OPCML: variants seen among roughly 807,000 people sequenced by gnomAD.
OPCML encodes opioid binding protein/cell adhesion molecule like.
A neutral mutation model predicts 37.8 loss-of-function variants in OPCML; 13 were observed. That is an observed-to-expected ratio of 0.34 (90% CI 0.22 to 0.55). The LOEUF (loss-of-function observed/expected upper bound fraction) is 0.55, where lower values mean the gene tolerates loss of function less well. Ranked by LOEUF, OPCML falls within the 20% of genes least tolerant of loss-of-function variation. The pLI is 0.91. For missense variants in OPCML, 341 were observed against 435.6 expected, an observed-to-expected ratio of 0.78 and a Z score of 1.93; for synonymous variants, 176 against 168.8, an observed-to-expected ratio of 1.04 and a Z score of -0.33.
chr11:132,711,675 G>C (rs556274254), intron 2 of OPCML, among the ~76,000 whole-genome samples: 1 of 152,248 alleles, frequency 6.6e-6, no homozygotes, highest in East Asian at 1.9e-4. Context: ...ATGTATATGT[G>C]TGTGTATGAT....
At chr11:133,242,257 G>A (rs185608527) in intron 1 of OPCML, among the ~76,000 whole-genome samples, 2 of 152,258 alleles carry the variant, frequency 1.3e-5, no homozygotes, top group South Asian at 2.1e-4. Context: ...AGAGGAAAAC[G>A]GAGCTTCAGA....
intron 2 of OPCML, among the ~76,000 whole-genome samples, chr11:132,913,929 T>A (rs60487665): frequency 5.9e-5 from 9 of 152,330 alleles, no homozygotes; most frequent in African/African-American, 2.2e-4. Context: ...TCACTAGGCA[T>A]CCTTTCGACT....
intron 1 of OPCML, among the ~76,000 whole-genome samples, chr11:133,058,540 A>G (rs7126587): frequency 0.82 from 125,245 of 152,016 alleles, 51,851 homozygotes; most frequent in Middle Eastern, 0.92. Flanking sequence ...CCCTGTGTCC[A>G]CTTCTGTTTT....
At chr11:132,421,524 T>A (rs1045995795) in intron 7 of OPCML, among the ~76,000 whole-genome samples, 2 of 152,174 alleles carry the variant, frequency 1.3e-5, no homozygotes, top group Admixed American at 6.5e-5. Flanking sequence ...GATGGGAACA[T>A]TTTACTTTGG....
chr11:132,782,418 G>A (rs542298055), intron 2 of OPCML, among the ~76,000 whole-genome samples: 1 of 152,328 alleles, frequency 6.6e-6, no homozygotes, highest in Admixed American at 6.5e-5. Flanking sequence ...TTTTCCTGGT[G>A]GCTGCAGGAT....
intron 1 of OPCML, among the ~76,000 whole-genome samples, chr11:133,235,328 C>T (rs374172437): frequency 2.0e-5 from 3 of 152,218 alleles, no homozygotes; most frequent in East Asian, 3.9e-4. Context: ...GAAAATGAAT[C>T]CTTACTGTTT....
At chr11:132,874,412 C>CCCT (rs1942931744) in intron 2 of OPCML, among the ~76,000 whole-genome samples, 2 of 144,228 alleles carry the variant, frequency 1.4e-5, no homozygotes, top group African/African-American at 5.2e-5. Flanking sequence ...CTCCCTCCCT[C>CCCT]CCTCCCTCCC....
intron 1 of OPCML, among the ~76,000 whole-genome samples, chr11:133,002,741 G>T (rs1023850899): frequency 1.4e-5 from 2 of 145,954 alleles, no homozygotes; most frequent in African/African-American, 5.1e-5. Context: ...GGAAGGAGAA[G>T]TAGAAGGAGG....
chr11:132,993,376 C>T (rs577202650), intron 1 of OPCML, among the ~76,000 whole-genome samples: 10 of 152,244 alleles, frequency 6.6e-5, no homozygotes, highest in Admixed American at 1.3e-4. Context: ...GGGAAAGCAC[C>T]CTGCATCCTG....
chr11:133,095,930 G>T (rs551146410), intron 1 of OPCML, among the ~76,000 whole-genome samples: 78 of 151,994 alleles, frequency 5.1e-4, no homozygotes, highest in African/African-American at 1.6e-3. Flanking sequence ...AAAATGTGTT[G>T]CCAGTAAATC....
intron 2 of OPCML, among the ~76,000 whole-genome samples, chr11:132,908,420 G>C (rs1006421371): frequency 6.6e-6 from 1 of 152,086 alleles, no homozygotes; most frequent in African/African-American, 2.4e-5. Flanking sequence ...AATTTCTCTG[G>C]GTCCCTATAA....
intron 1 of OPCML, among the ~76,000 whole-genome samples, chr11:133,321,103 G>A (rs1943319202): frequency 6.6e-6 from 1 of 152,134 alleles, no homozygotes; most frequent in African/African-American, 2.4e-5. Context: ...AGAACTTGGG[G>A]GAAGGTGGGG....
intron 1 of OPCML, among the ~76,000 whole-genome samples, chr11:133,254,978 A>G (rs1333682373): frequency 6.6e-6 from 1 of 152,238 alleles, no homozygotes; most frequent in Admixed American, 6.5e-5. Context: ...TTAACGCTCT[A>G]CCTTGATTCA....
At chr11:132,955,564 G>C (rs990323179) in intron 1 of OPCML, among the ~76,000 whole-genome samples, 2 of 152,118 alleles carry the variant, frequency 1.3e-5, no homozygotes, top group African/African-American at 2.4e-5. Context: ...ATTACTCCTA[G>C]TCATTTCTAG....
intron 1 of OPCML, among the ~76,000 whole-genome samples, chr11:133,345,398 T>C (rs117190926): frequency 0.015 from 2,249 of 152,336 alleles, 29 homozygotes; most frequent in South Asian, 0.046. Flanking sequence ...TCTCGAGGAA[T>C]AAACACAATG....
At chr11:133,432,295 T>C (rs1377359101) in intron 1 of OPCML, among the ~76,000 whole-genome samples, 1 of 152,238 alleles carries the variant, frequency 6.6e-6, no homozygotes, top group East Asian at 1.9e-4. Flanking sequence ...AAGGTCATTC[T>C]ATTTTTGCTG....
intron 1 of OPCML, among the ~76,000 whole-genome samples, chr11:133,242,905 TAAAAATAC>T (rs1940781748): frequency 6.6e-6 from 1 of 152,150 alleles, no homozygotes; most frequent in African/African-American, 2.4e-5. Flanking sequence ...TCAAAAGAAA[TAAAAATAC>T]ATTTTAGAAA....
At chr11:133,028,193 A>T (rs892635981) in intron 1 of OPCML, among the ~76,000 whole-genome samples, 34 of 151,902 alleles carry the variant, frequency 2.2e-4, no homozygotes, top group African/African-American at 8.2e-4. Flanking sequence ...TCATTGCAAT[A>T]TTTCTGGAGT....
At chr11:133,220,839 G>A (rs931254602) in intron 1 of OPCML, among the ~76,000 whole-genome samples, 3 of 151,962 alleles carry the variant, frequency 2.0e-5, no homozygotes, top group Admixed American at 6.6e-5. Flanking sequence ...TATAGCCCCC[G>A]GCTTCGTTCG....
Sources: allele counts gnomAD v4.1 joint callset (sites outside exome capture counted in the v4.1 genomes callset), GRCh38; gene constraint gnomAD v4.1.1; transcripts MANE v1.5; gene names NCBI Gene and HGNC (gene_info 2026-07-23, HGNC 2026-07-21).